Variants in COL18A1 observed in about 807,000 individuals in gnomAD.
COL18A1 encodes collagen type XVIII alpha 1 chain.
COL18A1 carries 133 observed loss-of-function variants against 168.0 expected under a neutral mutation model. The ratio of observed to expected loss-of-function variants is 0.79; its 90% CI spans 0.69 to 0.91. The LOEUF is 0.91. Ranked by LOEUF, COL18A1 falls within the 40% of genes least tolerant of loss-of-function variation. COL18A1 has a pLI of 0.00. For missense variants in COL18A1, 2,126 were observed against 1,925.4 expected (o/e 1.10, Z -1.95); for synonymous variants, 949 against 809.0 (o/e 1.17, Z -2.94).
chr21:45,479,787 C>A, intron 9 of COL18A1, 115 bp from the exon 10 acceptor site: 3 of 1,466,826 alleles, frequency 2.0e-6, no homozygotes, highest in Non-Finnish European at 2.8e-6. Flanking sequence ...CCCAGAGACT[C>A]CCCTGAAGGG....
chr21:45,484,056 A>ACATG (rs2035995898), intron 15 of COL18A1, among the ~76,000 whole-genome samples: 7 of 115,490 alleles, frequency 6.1e-5, no homozygotes, highest in African/African-American at 2.2e-4. Flanking sequence ...GCATATGTAC[A>ACATG]CACACACACA....
intron 2 of COL18A1, chr21:45,467,479 T>TG (rs1317151532): frequency 1.3e-5 from 13 of 963,340 alleles, no homozygotes; most frequent in Non-Finnish European, 1.6e-5. Context: ...GGAATCAGCA[T>TG]GGGGGGGATG....
At position 45,471,188 on chromosome 21, in the gene COL18A1, C is replaced by T. The variant is rs529933271; in HGVS notation, c.651+2402C>T. On this transcript the variant is annotated intron_variant, in intron 3 of 41. Coordinates refer to ENST00000651438, the MANE Select transcript of COL18A1 (RefSeq NM_001379500.1). This position sits in a 1 kb window ranked among gnomAD's most constrained non-coding sequence, Gnocchi z 4.4. ...GCCGTGTGCTGCTGGGCGTGGGTGG[C>T]GCGCTATGGGCCGTGTGCTGAGGGC... Among the ~76,000 whole-genome samples the T allele has an allele frequency of 5.9e-5, 9 of 151,950 alleles. No individual in the cohort carries two copies. The highest frequency in any genetic ancestry group is 1.5e-4 in the African/African-American group (6 of 41,344).
chr21:45,504,309 G>A, intron 33 of COL18A1, 107 bp from the exon 34 acceptor site: 2 of 1,165,702 alleles, frequency 1.7e-6, no homozygotes, highest in Non-Finnish European at 2.4e-6. Flanking sequence ...TCCCAGGCCT[G>A]GGCTCCGGAA....
At chr21:45,441,409 A>C (rs1430906471) in intron 2 of COL18A1, among the ~76,000 whole-genome samples, 1 of 152,156 alleles carries the variant, frequency 6.6e-6, no homozygotes, top group Non-Finnish European at 1.5e-5. Flanking sequence ...GTGTTAAATC[A>C]TAAAACCCCC....
intron 2 of COL18A1, chr21:45,455,931 C>A: frequency 6.2e-7 from 1 of 1,613,088 alleles, no homozygotes; most frequent in Non-Finnish European, 8.5e-7. Flanking sequence ...ACTGTCCCCA[C>A]TGAGAGCTTG....
At chr21:45,430,217 GCCC>G (rs2033919371) in intron 2 of COL18A1, among the ~76,000 whole-genome samples, 1 of 151,076 alleles carries the variant, frequency 6.6e-6, no homozygotes, top group Non-Finnish European at 1.5e-5. Flanking sequence ...GCACCCTCTC[GCCC>G]TCTCCTGTAT....
chr21:45,486,993 G>C lies in COL18A1; in HGVS notation c.1833+1G>C. 1 of 1,524,676 alleles carries C rather than the reference G, an allele frequency of 6.6e-7. No individual in the cohort carries two copies. Among genetic ancestry groups the C allele is most frequent in the Non-Finnish European group, 8.7e-7 (1 of 1,143,932 alleles). The allele number at this position is 1,524,676 out of a possible 1,614,324, so 94.4% of individuals were successfully genotyped here. A position where few individuals can be genotyped will look rare whatever the true frequency, so the allele number is the denominator to read the frequency against. ...AGGACCAGGACTCCCCGCTGGATTT[G>C]TGAGTACCGCCTACACCTGACCCCC... On this transcript the variant is annotated splice_donor_variant, in intron 16 of 41. Coordinates refer to ENST00000651438, the MANE Select transcript of COL18A1 (RefSeq NM_001379500.1). LOFTEE classifies it high-confidence loss of function.
intron 2 of COL18A1, among the ~76,000 whole-genome samples, chr21:45,428,149 G>C (rs2033860034): frequency 1.3e-5 from 2 of 152,198 alleles, no homozygotes; most frequent in African/African-American, 4.8e-5. Context: ...TGCAGGTTGG[G>C]GTCCGGCGCT....
At chr21:45,419,352 C>A in intron 2 of COL18A1, among the ~76,000 whole-genome samples, 1 of 150,718 alleles carries the variant, frequency 6.6e-6, no homozygotes, top group African/African-American at 2.4e-5. Context: ...TGTAGTGATG[C>A]GCGATGCCGT....
At chr21:45,461,919 T>C (rs2035063005) in intron 2 of COL18A1, among the ~76,000 whole-genome samples, 3 of 152,372 alleles carry the variant, frequency 2.0e-5, no homozygotes, top group Non-Finnish European at 4.4e-5. Flanking sequence ...TTTTACCTGC[T>C]GGACTCCCTG....
rs531290115 is a variant in COL18A1, at chr21:45,458,439, C to G, written c.107-9803C>G. Among the ~76,000 whole-genome samples, 5 of 152,148 alleles carry G rather than the reference C, an allele frequency of 3.3e-5. No individual in the cohort carries two copies. In the East Asian group the frequency reaches 9.7e-4, roughly 30 times the overall value. ...GCTGTGCCCGCGAATGTTGGCATCT[C>G]AGGGCTTAGATGTCACCCCCAGGGC... On this transcript the variant is annotated intron_variant, in intron 2 of 41. Transcript: ENST00000651438.
chr21:45,478,447 C>T (rs1268485252), intron 9 of COL18A1, 94 bp downstream of exon 9: 4 of 1,535,944 alleles, frequency 2.6e-6, no homozygotes, highest in Non-Finnish European at 3.6e-6. Flanking sequence ...TTAAACGCGA[C>T]CCAGTGAGGA....
At chr21:45,424,270 G>A (rs542613131) in intron 2 of COL18A1, 1 of 152,310 alleles carries the variant, frequency 6.6e-6, no homozygotes, top group African/African-American at 2.4e-5. Context: ...TCTGTGGTGG[G>A]CCCTGGTGGT....
rs760893755 is a variant in COL18A1, at chr21:45,510,234, C to T, written c.3666C>T (p.Arg1222=). 3.1e-6 allele frequency: 5 copies of T among 1,606,316 alleles called. No individual in the cohort carries two copies. Among genetic ancestry groups the T allele is most frequent in the Admixed American group, 1.7e-5 (1 of 59,406 alleles). The part of the protein sequence containing the change: ...DLYSIVRRAD[R]AAVPIVNLKD... Reference sequence around the variant, plus strand: ...ACAGCATCGTGCGCCGTGCCGACCGCGCAGCCGTGCCCATCGTCAACCTCA... The same window carrying T: ...ACAGCATCGTGCGCCGTGCCGACCGTGCAGCCGTGCCCATCGTCAACCTCA... Residue 1222 remains arginine, a synonymous_variant, in exon 40 of 42, where the codon CGC becomes CGT. Transcript: ENST00000651438.
At chr21:45,454,497 G>T (rs894788704) in intron 2 of COL18A1, among the ~76,000 whole-genome samples, 2 of 152,218 alleles carry the variant, frequency 1.3e-5, no homozygotes, top group African/African-American at 4.8e-5. Context: ...GGGTGTGTGC[G>T]TGTGAGGATG....
intron 2 of COL18A1, chr21:45,467,119 C>T (rs1015846995): frequency 3.4e-6 from 2 of 595,032 alleles, no homozygotes; most frequent in African/African-American, 4.0e-5. Context: ...GCTGCAAAGC[C>T]CGGGCTCTGC....
intron 16 of COL18A1, 77 bp downstream of exon 16, chr21:45,487,069 A>C: frequency 1.6e-5 from 22 of 1,353,282 alleles, no homozygotes; most frequent in Non-Finnish European, 2.1e-5. Flanking sequence ...CTGGCATCTC[A>C]CTCACAGAGC....
rs768823795 is a variant in COL18A1 at position 45,443,394 on chromosome 21, C to T, written c.107-24848C>T. ...GTAAACCCTTGAAAACCAAGTGGGC[C>T]TTCACCAGCTTGAAAGGCCGCCCGT... On this transcript the variant is annotated intron_variant, in intron 2 of 41. Transcript: ENST00000651438. The surrounding 1 kb of genome is among the most constrained non-coding windows in gnomAD (Gnocchi z 5.2). Among the ~76,000 whole-genome samples the T allele has an allele frequency of 6.6e-6, 1 of 152,146 alleles. No individual in the cohort carries two copies. Among genetic ancestry groups the T allele is most frequent in the Non-Finnish European group, 1.5e-5 (1 of 68,014 alleles).
Sources: gnomAD v4.1 joint callset for allele counts (sites outside exome capture counted in the v4.1 genomes callset) on GRCh38, gnomAD v4.1.1 for gene constraint, Gnocchi (gnomAD v3.1) non-coding constraint, MANE v1.5 for transcripts, NCBI Gene and HGNC (gene_info 2026-07-23, HGNC 2026-07-21) for gene names.